The following TMEM11 variants were observed in gnomAD, a reference collection of about 807,000 sequenced individuals.
The protein encoded by TMEM11 is transmembrane protein 11, mitochondrial.
A neutral mutation model predicts 17.0 loss-of-function variants in TMEM11; 1 was observed. The ratio of observed to expected loss-of-function variants is 0.06; its 90% CI spans 0.02 to 0.28. The LOEUF (loss-of-function observed/expected upper bound fraction) is 0.28. Ranked by LOEUF, TMEM11 falls within the 10% of genes least tolerant of loss-of-function variation. The pLI, the probability that TMEM11 is intolerant of heterozygous loss-of-function variation, is 1.00. For missense variants in TMEM11, 172 were observed against 252.9 expected, an observed-to-expected ratio of 0.68 and a Z score of 2.17; for synonymous variants, 122 against 118.1, an observed-to-expected ratio of 1.03 and a Z score of -0.21.
intron 1 of TMEM11, among the ~76,000 whole-genome samples, chr17:21,206,904 G>A (rs923453460): frequency 5.3e-5 from 8 of 152,072 alleles, no homozygotes; most frequent in South Asian, 2.1e-4. Flanking sequence ...CTCCCCCATC[G>A]GAGGTGAACG....
At chr17:21,213,912 T>C in intron 1 of TMEM11, 179 bp downstream of exon 1, 1 of 625,484 alleles carries the variant, frequency 1.6e-6, no homozygotes, top group Non-Finnish European at 2.7e-6. Flanking sequence ...GCCGAGGCCT[T>C]CGACCTCGCT....
chr17:21,200,432 A>G (rs547061975), intron 1 of TMEM11, among the ~76,000 whole-genome samples: 1 of 152,358 alleles, frequency 6.6e-6, no homozygotes, highest in East Asian at 1.9e-4. Flanking sequence ...ACTGCTAGAC[A>G]TAGCTCTTGA....
Position 21,198,053 on chromosome 17 carries a change from C to A in TMEM11, c.*271G>T. ...AGACCTCCCCCAAAGCACGTCCACA[C>A]CCCCTCGGCAGCGTCTGCCTCCATC... On this transcript the variant is annotated 3_prime_UTR_variant, in exon 2 of 2. Coordinates refer to ENST00000317635, the MANE Select transcript of TMEM11 (RefSeq NM_003876.3). The surrounding 1 kb of genome is among the most constrained non-coding windows in gnomAD (Gnocchi z 6.5). The A allele has an allele frequency of 2.3e-6, 1 of 430,188 alleles. No homozygotes were observed. Among genetic ancestry groups the A allele is most frequent in the Non-Finnish European group, 4.1e-6 (1 of 241,238 alleles). The allele number at this position is 430,188 out of a possible 1,614,324, so 26.6% of individuals were successfully genotyped here.
chr17:21,200,106 G>C (rs993673701), intron 1 of TMEM11, among the ~76,000 whole-genome samples: 1 of 152,330 alleles, frequency 6.6e-6, no homozygotes. Context: ...CCACCACACG[G>C]AACGCTCAGC....
chr17:21,202,236 C>T (rs542517666), intron 1 of TMEM11, among the ~76,000 whole-genome samples: 51 of 152,286 alleles, frequency 3.3e-4, no homozygotes, highest in African/African-American at 9.6e-4. Flanking sequence ...AATCTTGAGA[C>T]GGAAATGGAG....
chr17:21,210,969 A>C (rs1208093624), intron 1 of TMEM11: 2 of 1,289,028 alleles, frequency 1.6e-6, no homozygotes, highest in African/African-American at 1.5e-5. Flanking sequence ...TGGGAGGTTC[A>C]GGGGCCCTGA....
At position 21,198,932 on chromosome 17, in the gene TMEM11, G is replaced by C; in HGVS notation, c.63-92C>G. 1 of 1,413,126 alleles carries C rather than the reference G, an allele frequency of 7.1e-7. No homozygotes were observed. The highest frequency in any genetic ancestry group is 9.6e-7 in the Non-Finnish European group (1 of 1,045,216). 87.5% of individuals were successfully genotyped at this position (1,413,126 alleles called of 1,614,324 possible). A position where few individuals can be genotyped will look rare whatever the true frequency, so the allele number is the denominator to read the frequency against. ...TAACTGTGTTTCAGCGCTGGGGGAG[G>C]TCTGAGCCTGCACTGCGGAGAGCAC... is the stretch of plus-strand genomic sequence containing the variant. On this transcript the variant is annotated intron_variant, in intron 1 of 1. Coordinates refer to ENST00000317635, the MANE Select transcript of TMEM11 (RefSeq NM_003876.3). The surrounding 1 kb of genome is among the most constrained non-coding windows in gnomAD (Gnocchi z 6.5).
chr17:21,200,350 C>T (rs530384289), intron 1 of TMEM11, among the ~76,000 whole-genome samples: 65 of 152,312 alleles, frequency 4.3e-4, no homozygotes, highest in Non-Finnish European at 7.5e-4. Context: ...ATCTCCGCAC[C>T]GTCACCCCAC....
intron 1 of TMEM11, 104 bp downstream of exon 1, chr17:21,213,987 C>T: frequency 8.8e-7 from 1 of 1,131,314 alleles, no homozygotes; most frequent in Non-Finnish European, 1.2e-6. Context: ...AGGGGGAGCG[C>T]GGGGAAACCA....
intron 1 of TMEM11, among the ~76,000 whole-genome samples, chr17:21,204,435 TAAAAAA>T (rs71160127): frequency 5.4e-4 from 52 of 96,820 alleles, no homozygotes; most frequent in Non-Finnish European, 6.7e-4. Flanking sequence ...TCCGTCTCAA[TAAAAAA>T]AAAAAAAAAA....
Position 21,210,825 on chromosome 17 carries a change from A to G in TMEM11, c.62+3266T>C, listed in dbSNP as rs1974995301. The G allele has an allele frequency of 6.5e-6, 7 of 1,078,622 alleles. No homozygotes were observed. The South Asian group carries it at 1.1e-4, about 17-fold the overall frequency. 66.8% of individuals were successfully genotyped at this position (1,078,622 alleles called of 1,614,324 possible). On this transcript the variant is annotated intron_variant, in intron 1 of 1. Transcript: ENST00000317635. Reference sequence around the variant, plus strand: ...TAAACCTGAACTTTTAGCCCCGTGCATCTGGCCCTCTGCACACCCCAGGTT... The same window carrying G: ...TAAACCTGAACTTTTAGCCCCGTGCGTCTGGCCCTCTGCACACCCCAGGTT...
At chr17:21,213,657 CTTCT>C (rs1480168625) in intron 1 of TMEM11, 1 of 177,224 alleles carries the variant, frequency 5.6e-6, no homozygotes, top group Non-Finnish European at 1.2e-5. Context: ...AAGGCTTCCC[CTTCT>C]TTCTCTCTCC....
At chr17:21,206,398 T>G (rs1032807446) in intron 1 of TMEM11, among the ~76,000 whole-genome samples, 1 of 152,010 alleles carries the variant, frequency 6.6e-6, no homozygotes, top group African/African-American at 2.4e-5. Context: ...ATTTTTGTAT[T>G]TTTAGTAGAG....
At position 21,211,970 on chromosome 17, in the gene TMEM11, C is replaced by T. The variant is rs117092969; in HGVS notation, c.62+2121G>A. On this transcript the variant is annotated intron_variant, in intron 1 of 1. Transcript: ENST00000317635. The stretch of plus-strand genomic sequence containing the variant: ...TAGAGTGCTGGGCCATCAGCTAATC[C>T]GCCCTGCCCCACCTGAACAGTCATC... Among the ~76,000 whole-genome samples, 58 of 152,260 alleles carry T rather than the reference C, an allele frequency of 3.8e-4. No individual in the cohort carries two copies. The East Asian group carries it at 0.011, about 29-fold the overall frequency.
At chr17:21,200,048 C>G (rs1046270744) in intron 1 of TMEM11, among the ~76,000 whole-genome samples, 1 of 152,232 alleles carries the variant, frequency 6.6e-6, no homozygotes, top group Non-Finnish European at 1.5e-5. Flanking sequence ...GGCTTTCCCC[C>G]CCGGGACTGG....
At chr17:21,211,149 C>A (rs1240016676) in intron 1 of TMEM11, 2 of 1,289,822 alleles carry the variant, frequency 1.6e-6, no homozygotes, top group Non-Finnish European at 2.0e-6. Flanking sequence ...GTGCTCGTTG[C>A]CAGTGTGCTG....
intron 1 of TMEM11, chr17:21,210,936 A>G (rs1974996399): frequency 7.8e-7 from 1 of 1,283,100 alleles, no homozygotes; most frequent in Non-Finnish European, 1.0e-6. Context: ...CTATACTCAC[A>G]TTCCAACAAT....
chr17:21,206,274 C>T (rs919511865), intron 1 of TMEM11, among the ~76,000 whole-genome samples: 2 of 152,124 alleles, frequency 1.3e-5, no homozygotes, highest in Admixed American at 6.6e-5. Flanking sequence ...CAGGCTGGAG[C>T]GCAATGGCGC....
At chr17:21,206,878 A>G (rs1567636703) in intron 1 of TMEM11, among the ~76,000 whole-genome samples, 1 of 152,192 alleles carries the variant, frequency 6.6e-6, no homozygotes, top group Non-Finnish European at 1.5e-5. Flanking sequence ...TTACTGAGAT[A>G]GAATTCACAG....
Sources: allele counts gnomAD v4.1 joint callset (sites outside exome capture counted in the v4.1 genomes callset), GRCh38; gene constraint gnomAD v4.1.1; non-coding constraint Gnocchi (gnomAD v3.1); transcripts MANE v1.5; gene names NCBI Gene and HGNC (gene_info 2026-07-23, HGNC 2026-07-21).